The following MECOM variants were observed in gnomAD, a reference collection of about 807,000 sequenced individuals.
The protein encoded by MECOM is MDS1 and EVI1 complex locus.
MECOM carries 13 observed loss-of-function variants against 116.3 expected under a neutral mutation model. The observed-to-expected ratio is 0.11, with a 90% CI of 0.07 to 0.18. MECOM has a LOEUF of 0.18. Among genes scored for constraint, MECOM ranks in the 10% least tolerant of loss-of-function variants. MECOM has a pLI of 1.00. For synonymous variants in MECOM, 528 were observed against 535.2 expected (o/e 0.99, Z 0.19); for missense variants, 1,299 against 1,509.0 (o/e 0.86, Z 2.31).
At chr3:169,210,234 G>T (rs1337311422) in intron 2 of MECOM, among the ~76,000 whole-genome samples, 6 of 152,028 alleles carry the variant, frequency 3.9e-5, no homozygotes, top group Non-Finnish European at 5.9e-5. Context: ...TAATGTATGT[G>T]GGGCTTAAAA....
intron 1 of MECOM, among the ~76,000 whole-genome samples, chr3:169,640,169 T>TA (rs1773286155): frequency 1.6e-5 from 2 of 126,826 alleles, no homozygotes; most frequent in Non-Finnish European, 3.4e-5. Flanking sequence ...AATTTTTAAT[T>TA]CAAAAAAAAT....
At chr3:169,658,465 C>A (rs533852020) in intron 1 of MECOM, among the ~76,000 whole-genome samples, 1 of 152,200 alleles carries the variant, frequency 6.6e-6, no homozygotes, top group Non-Finnish European at 1.5e-5. Context: ...GGTGTGCACA[C>A]GCATGTGTGG....
At chr3:169,591,206 G>A (rs1351170555) in intron 1 of MECOM, among the ~76,000 whole-genome samples, 1 of 152,164 alleles carries the variant, frequency 6.6e-6, no homozygotes, top group Non-Finnish European at 1.5e-5. Flanking sequence ...TAGTGGAGGA[G>A]AACTGGGAAT....
chr3:169,337,116 T>C (rs1015511875), intron 2 of MECOM, among the ~76,000 whole-genome samples: 1 of 152,174 alleles, frequency 6.6e-6, no homozygotes, highest in African/African-American at 2.4e-5. Context: ...AATAACTACT[T>C]ATGTGAAATC....
At chr3:169,576,379 GATAA>G (rs1560452113) in intron 1 of MECOM, among the ~76,000 whole-genome samples, 1 of 152,052 alleles carries the variant, frequency 6.6e-6, no homozygotes, top group East Asian at 1.9e-4. Context: ...GACAGAAGAC[GATAA>G]AAATCTCTGC....
chr3:169,376,487 G>T (rs986750314), intron 2 of MECOM, among the ~76,000 whole-genome samples: 1 of 152,086 alleles, frequency 6.6e-6, no homozygotes, highest in Non-Finnish European at 1.5e-5. Flanking sequence ...AAAGTCTCAG[G>T]ATACAACATC....
intron 2 of MECOM, among the ~76,000 whole-genome samples, chr3:169,173,086 C>G (rs1055707635): frequency 6.6e-6 from 1 of 152,008 alleles, no homozygotes; most frequent in Non-Finnish European, 1.5e-5. Context: ...ATTTCTATCA[C>G]CAATAAATGC....
At chr3:169,636,244 C>A (rs1772736740) in intron 1 of MECOM, among the ~76,000 whole-genome samples, 1 of 152,196 alleles carries the variant, frequency 6.6e-6, no homozygotes, top group Non-Finnish European at 1.5e-5. Flanking sequence ...ACCTTATCCA[C>A]ACAGACATCA....
chr3:169,284,126 C>A (rs1406301323), intron 2 of MECOM, among the ~76,000 whole-genome samples: 2 of 152,178 alleles, frequency 1.3e-5, no homozygotes, highest in Non-Finnish European at 2.9e-5. Flanking sequence ...GAGTTCAGAG[C>A]TCTCCCATCA....
At chr3:169,382,750 G>A (rs1732618257) in intron 1 of MECOM, among the ~76,000 whole-genome samples, 1 of 150,460 alleles carries the variant, frequency 6.6e-6, no homozygotes, top group Admixed American at 6.7e-5. Context: ...CCACTTGAGA[G>A]GCTGAGGTGG....
intron 9 of MECOM, among the ~76,000 whole-genome samples, chr3:169,110,771 T>C (rs1012462839): frequency 2.0e-5 from 3 of 152,134 alleles, no homozygotes; most frequent in Non-Finnish European, 2.9e-5. Flanking sequence ...TCACCACTCT[T>C]GGGTCCTGTT....
intron 1 of MECOM, among the ~76,000 whole-genome samples, chr3:169,453,804 C>T (rs111383456): frequency 5.9e-5 from 9 of 152,192 alleles, no homozygotes; most frequent in Non-Finnish European, 8.8e-5. Flanking sequence ...TTTATTCTCC[C>T]ATTTCAGTTA....
chr3:169,571,707 T>C (rs931996624), intron 1 of MECOM, among the ~76,000 whole-genome samples: 9 of 152,190 alleles, frequency 5.9e-5, no homozygotes, highest in African/African-American at 2.2e-4. Context: ...AACCATCTGA[T>C]CTTTGACAAA....
chr3:169,554,797 C>T (rs768393780), intron 1 of MECOM, among the ~76,000 whole-genome samples: 8 of 152,156 alleles, frequency 5.3e-5, no homozygotes, highest in Non-Finnish European at 1.2e-4. Flanking sequence ...ATCTGGGCTG[C>T]AGTCCTCCCT....
intron 2 of MECOM, among the ~76,000 whole-genome samples, chr3:169,240,472 G>C (rs1357668817): frequency 6.6e-6 from 1 of 152,088 alleles, no homozygotes; most frequent in Non-Finnish European, 1.5e-5. Context: ...TCACTAAAAG[G>C]GACTCGTCTA....
chr3:169,094,198 AG>A (rs1439749466), intron 13 of MECOM, among the ~76,000 whole-genome samples: 5 of 152,300 alleles, frequency 3.3e-5, no homozygotes, highest in Admixed American at 3.3e-4. Flanking sequence ...AGGGGAAGAA[AG>A]ATTAATAATT....
chr3:169,653,249 G>A (rs1775133270), intron 1 of MECOM, among the ~76,000 whole-genome samples: 1 of 152,108 alleles, frequency 6.6e-6, no homozygotes, highest in Non-Finnish European at 1.5e-5. Context: ...ATCCACCAAA[G>A]CCCATTGCTA....
intron 2 of MECOM, among the ~76,000 whole-genome samples, chr3:169,171,264 T>C (rs926047133): frequency 7.9e-5 from 12 of 152,184 alleles, no homozygotes; most frequent in Admixed American, 5.9e-4. Context: ...TATATGAGAA[T>C]GAATTGAATT....
chr3:169,267,184 G>T (rs1014812397), intron 2 of MECOM, among the ~76,000 whole-genome samples: 1 of 152,218 alleles, frequency 6.6e-6, no homozygotes, highest in Non-Finnish European at 1.5e-5. Flanking sequence ...AAGGATCCAG[G>T]GTTCCTGAGA....
Sources: gnomAD v4.1 joint callset for allele counts (sites outside exome capture counted in the v4.1 genomes callset) on GRCh38, gnomAD v4.1.1 for gene constraint, MANE v1.5 for transcripts, NCBI Gene and HGNC (gene_info 2026-07-23, HGNC 2026-07-21) for gene names.